The following KRT5 variants were observed in gnomAD, a reference collection of about 807,000 sequenced individuals.
KRT5 encodes keratin, type II cytoskeletal 5.
In KRT5, 17 loss-of-function variants were observed where a neutral mutation model predicts 44.0. The ratio of observed to expected loss-of-function variants is 0.39; its 90% CI spans 0.26 to 0.58. The LOEUF is 0.58. KRT5 is among the 20% of genes least tolerant of loss of function. The pLI is 0.61. For synonymous variants in KRT5, 329 were observed against 312.8 expected (o/e 1.05, Z -0.55); for missense variants, 737 against 785.5 (o/e 0.94, Z 0.74).
chr12:52,515,422 A>G, intron 8 of KRT5, 182 bp from the exon 9 acceptor site: 1 of 800,590 alleles, frequency 1.2e-6, no homozygotes, highest in Non-Finnish European at 2.1e-6. Flanking sequence ...TGTAAGAGGC[A>G]AGGTGCTAGG....
In KRT5 at chr12:52,516,724, C is replaced by G. The variant is rs200563006; in HGVS notation, c.1352G>C (p.Arg451Pro). 8.1e-6 allele frequency: 13 copies of G among 1,614,106 alleles called. No individual in the cohort carries two copies. The highest frequency in any genetic ancestry group is 1.3e-5 in the African/African-American group (1 of 74,934). ...GGTGTTCATGAGCTCCTGGTACTCA[C>G]GCAGCAGCCGGGCCATGTCCTGCTT... Reference protein sequence around the residue: ...KAKQDMARLLREYQELMNTKL... With the variant: ...KAKQDMARLLPEYQELMNTKL... The change falls in exon 7 of 9, where the codon CGT becomes CCT. Residue 451 changes from arginine to proline, a missense_variant. Coordinates refer to ENST00000252242, the MANE Select transcript of KRT5 (RefSeq NM_000424.4).
chr12:52,514,653 T>G lies in KRT5; in HGVS notation c.*289A>C. 2.3e-6 allele frequency: 1 copy of G among 439,294 alleles called. No individual in the cohort carries two copies. Among genetic ancestry groups the G allele is most frequent in the Non-Finnish European group, 4.0e-6 (1 of 247,602 alleles). 27.2% of individuals were successfully genotyped at this position (439,294 alleles called of 1,614,324 possible). A position where few individuals can be genotyped will look rare whatever the true frequency, so the allele number is the denominator to read the frequency against. ...ACAAAATTTGGGATTGGGGTGGGGA[T>G]TCTGTTTTGATGATTTAGATTTGGG... On this transcript the variant is annotated 3_prime_UTR_variant, in exon 9 of 9. Transcript: ENST00000252242.
Position 52,517,149 on chromosome 12 carries a change from C to G in KRT5, c.1176G>C (p.Met392Ile). 1 of 1,614,196 alleles carries G rather than the reference C, an allele frequency of 6.2e-7. No individual in the cohort carries two copies. The change falls in exon 6 of 9, where the codon ATG becomes ATC. Residue 392 changes from methionine to isoleucine, a missense_variant. By Grantham distance (10) the Met-to-Ile change is conservative (BLOSUM62 1). Coordinates refer to ENST00000252242, the MANE Select transcript of KRT5 (RefSeq NM_000424.4). ...TKHEISEMNR[M>I]IQRLRAEIDN... ...CAATCTCGGCTCTCAGCCTCTGGAT[C>G]ATCCGGTTCATCTCAGAGATCTCAT...
chr12:52,516,141 A>G (rs1938606673), intron 7 of KRT5: 2 of 507,500 alleles, frequency 3.9e-6, no homozygotes, highest in Non-Finnish European at 3.5e-6. Flanking sequence ...TAGGAGTTAC[A>G]TTCTGTGAGA....
In KRT5 at chr12:52,518,134, G is replaced by C; in HGVS notation, c.800C>G (p.Thr267Ser). Residue 267 changes from threonine to serine, a missense_variant, in exon 3 of 9, where the codon ACT (threonine) becomes AGT (serine). Physicochemically the swap from Thr to Ser is moderately conservative, Grantham distance 58. Transcript: ENST00000252242. ...CAGCATCACAAACTCATTCTCAGCA[G>C]TGGTACGCTTGTTGATTTCATCCTC... is the stretch of plus-strand genomic sequence containing the variant. Reference protein sequence around the residue: ...KYEDEINKRTTAENEFVMLKK... With the variant: ...KYEDEINKRTSAENEFVMLKK... The C allele has an allele frequency of 6.2e-7, 1 of 1,614,244 alleles. No individual in the cohort carries two copies.
rs757526192 is a variant in KRT5, at chr12:52,517,848, T to A, written c.927+49A>T. ...CTTTCACTCATTGTGATATGACAAC[T>A]TGAGGAAAAAAAACCCACCCATGTG... On this transcript the variant is annotated intron_variant, in intron 4 of 8. Transcript: ENST00000252242. 1.9e-6 allele frequency: 3 copies of A among 1,609,980 alleles called. No homozygotes were observed. The South Asian group carries it at 3.3e-5, about 18-fold the overall frequency.
At position 52,514,938 on chromosome 12, in the gene KRT5, G is replaced by A; in HGVS notation, c.*4C>T. 6.2e-7 allele frequency: 1 copy of A among 1,613,090 alleles called. No homozygotes were observed. Among genetic ancestry groups the A allele is most frequent in the Non-Finnish European group, 8.5e-7 (1 of 1,179,472 alleles). On this transcript the variant is annotated 3_prime_UTR_variant, in exon 9 of 9. Coordinates refer to ENST00000252242, the MANE Select transcript of KRT5 (RefSeq NM_000424.4). ...CTTGGAAGGCAGTGACTTGCAGCAG[G>A]TTCTTAGCTCTTGAAGCTCTTCCGG...
chr12:52,517,017 T>C (rs1938622137), intron 6 of KRT5, 90 bp downstream of exon 6: 6 of 1,556,334 alleles, frequency 3.9e-6, no homozygotes, highest in South Asian at 3.3e-5. Flanking sequence ...TAGCTGCGTG[T>C]GTTTAGCAAA....
chr12:52,517,270 T>G, intron 5 of KRT5, 38 bp from the exon 6 acceptor site: 1 of 1,613,146 alleles, frequency 6.2e-7, no homozygotes, highest in African/African-American at 1.3e-5. Context: ...TCTGTTTATA[T>G]GAGAATGGGA....
intron 1 of KRT5, 97 bp from the exon 2 acceptor site, chr12:52,519,257 GC>G (rs530957896): frequency 5.9e-5 from 91 of 1,534,850 alleles, no homozygotes; most frequent in Non-Finnish European, 7.7e-5. Flanking sequence ...TCCCTCTAAA[GC>G]TTTTCTGTGC....
At chr12:52,518,829 A>C (rs1177341233) in intron 2 of KRT5, 117 bp downstream of exon 2, 1 of 1,221,284 alleles carries the variant, frequency 8.2e-7, no homozygotes, top group Non-Finnish European at 1.2e-6. Flanking sequence ...GGAGGTGTCC[A>C]TGGAAGGTAT....
intron 5 of KRT5, 85 bp from the exon 6 acceptor site, chr12:52,517,317 G>C: frequency 6.5e-7 from 1 of 1,534,628 alleles, no homozygotes; most frequent in Admixed American, 1.7e-5. Flanking sequence ...TGAGTACTAA[G>C]TGGTGGCAAA....
chr12:52,517,866 C>A (rs1467261026), intron 4 of KRT5, 31 bp downstream of exon 4: 2 of 1,611,024 alleles, frequency 1.2e-6, no homozygotes, highest in African/African-American at 1.3e-5. Flanking sequence ...AAAAAACCCA[C>A]CCATGTGAAA....
intron 7 of KRT5, chr12:52,516,311 G>T (rs1938608761): frequency 2.4e-6 from 1 of 416,896 alleles, no homozygotes; most frequent in Admixed American, 3.6e-5. Context: ...GGAGGACAAG[G>T]GTGGATGGAG....
Position 52,518,164 on chromosome 12 carries a change from C to A in KRT5, c.771-1G>T. The stretch of plus-strand genomic sequence containing the variant: ...ACGCTTGTTGATTTCATCCTCATAC[C>A]TGGTGGTGAAAGGGATGGGAAGTGT... On this transcript the variant is annotated splice_acceptor_variant, in intron 2 of 8. Transcript: ENST00000252242. LOFTEE classifies it high-confidence loss of function. 6.2e-7 allele frequency: 1 copy of A among 1,614,092 alleles called. No homozygotes were observed. The highest frequency in any genetic ancestry group is 8.5e-7 in the Non-Finnish European group (1 of 1,179,916).
At position 52,520,369 on chromosome 12, in the gene KRT5, A is replaced by G. The variant is rs3741725; in HGVS notation, c.-73T>C. 20,614 of 1,419,572 alleles carry G rather than the reference A, an allele frequency of 0.015. 2,126 individuals carry two copies. In the East Asian group the frequency reaches 0.29, roughly 20 times the overall value. The allele number at this position is 1,419,572 out of a possible 1,614,324, so 87.9% of individuals were successfully genotyped here. ...GGAGGTGCTGGAGAGAACAGAGCTC[A>G]GCAGGACGCAGAAGGTGGCTCTGTT... On this transcript the variant is annotated 5_prime_UTR_variant, in exon 1 of 9. Coordinates refer to ENST00000252242, the MANE Select transcript of KRT5 (RefSeq NM_000424.4).
At chr12:52,519,477 T>C (rs1475244171) in intron 1 of KRT5, 5 of 622,676 alleles carry the variant, frequency 8.0e-6, no homozygotes, top group Non-Finnish European at 1.4e-5. Flanking sequence ...CCCCTTTATA[T>C]ATGGCATGAA....
chr12:52,516,581 A>G, intron 7 of KRT5, 56 bp downstream of exon 7: 1 of 1,529,034 alleles, frequency 6.5e-7, no homozygotes, highest in Non-Finnish European at 9.1e-7. Context: ...ACCCCACAGT[A>G]GAGCAGCTTC....
Position 52,520,302 on chromosome 12 carries a change from C to T in KRT5, c.-6G>A. The T allele has an allele frequency of 1.2e-6, 2 of 1,612,620 alleles. No individual in the cohort carries two copies. Among genetic ancestry groups the T allele is most frequent in the Non-Finnish European group, 1.7e-6 (2 of 1,179,952 alleles). Reference sequence around the variant, plus strand: ...ACACTTGACTGGCGAGACATGGTGGCTTGTTCCTGGTGGAGCAAGAGAACC... The same window carrying T: ...ACACTTGACTGGCGAGACATGGTGGTTTGTTCCTGGTGGAGCAAGAGAACC... On this transcript the variant is annotated 5_prime_UTR_variant, in exon 1 of 9. Transcript: ENST00000252242.
Sources: gnomAD v4.1 joint callset for allele counts on GRCh38, gnomAD v4.1.1 for gene constraint, MANE v1.5 for transcripts, NCBI Gene and HGNC (gene_info 2026-07-23, HGNC 2026-07-21) for gene names.